The following CLDN10 variants were observed in gnomAD, a reference collection of about 807,000 sequenced individuals.
The protein encoded by CLDN10 is claudin 10.
A neutral mutation model predicts 22.9 loss-of-function variants in CLDN10; 15 were observed. The observed-to-expected ratio is 0.65, with a 90% confidence interval of 0.44 to 1.01. The LOEUF (loss-of-function observed/expected upper bound fraction) is 1.01, where lower values mean the gene tolerates loss of function less well. Among genes scored for constraint, CLDN10 ranks in the 50% least tolerant of loss-of-function variants. The pLI, the probability that CLDN10 is intolerant of heterozygous loss-of-function variation, is 0.00. For missense variants in CLDN10, 247 were observed against 287.8 expected (o/e 0.86, Z 1.03); for synonymous variants, 114 against 111.4 (o/e 1.02, Z -0.15).
At chr13:95,486,706 T>A (rs1351250582) in intron 1 of CLDN10, among the ~76,000 whole-genome samples, 1 of 152,110 alleles carries the variant, frequency 6.6e-6, no homozygotes, top group East Asian at 1.9e-4. Context: ...GGTGCCTTGC[T>A]TTTTATTCCT....
intron 1 of CLDN10, among the ~76,000 whole-genome samples, chr13:95,503,978 T>G (rs1330691571): frequency 6.6e-6 from 1 of 152,232 alleles, no homozygotes; most frequent in Admixed American, 6.5e-5. Context: ...TAATAAATTT[T>G]ATGTTACCTG....
At chr13:95,552,669 C>A (rs2043579701), upstream of CLDN10, 2 of 1,423,820 alleles carry the variant, frequency 1.4e-6, no homozygotes, top group Admixed American at 2.6e-5. Flanking sequence ...GAGGCGGAGG[C>A]GGGAGGCGGA....
chr13:95,443,298 CAAT>C (rs796846182), intron 1 of CLDN10, among the ~76,000 whole-genome samples: 4 of 152,262 alleles, frequency 2.6e-5, no homozygotes, highest in African/African-American at 9.6e-5. Flanking sequence ...ATGTTGTTGA[CAAT>C]GATGATGTCT....
At chr13:95,543,914 G>T (rs2043483674) in intron 1 of CLDN10, among the ~76,000 whole-genome samples, 1 of 151,970 alleles carries the variant, frequency 6.6e-6, no homozygotes, top group African/African-American at 2.4e-5. Context: ...ATATTCATAA[G>T]ATTTTAATTT....
intron 1 of CLDN10, among the ~76,000 whole-genome samples, chr13:95,456,369 C>T (rs141693911): frequency 2.6e-5 from 4 of 152,260 alleles, no homozygotes; most frequent in African/African-American, 7.2e-5. Flanking sequence ...ATCTACTCTC[C>T]TATTCCACCC....
chr13:95,462,655 A>G (rs140616679), intron 1 of CLDN10, among the ~76,000 whole-genome samples: 75 of 152,318 alleles, frequency 4.9e-4, no homozygotes, highest in African/African-American at 1.7e-3. Flanking sequence ...TTAGGCCAGA[A>G]CACACAAACC....
chr13:95,570,277 T>C (rs7995795), intron 3 of CLDN10, among the ~76,000 whole-genome samples: 45,451 of 152,052 alleles, frequency 0.3, 7,189 homozygotes, highest in Non-Finnish European at 0.35. Flanking sequence ...TATGACTCGG[T>C]GCCTCATTTC....
intron 1 of CLDN10, among the ~76,000 whole-genome samples, chr13:95,532,792 C>CAAAAAAAAAAAAAAAAAAAAA (rs57500288): frequency 6.4e-5 from 4 of 62,018 alleles, no homozygotes; most frequent in Admixed American, 2.5e-4. Context: ...CTCAATTCAG[C>CAAAAAAAAAAAAAAAAAAAAA]AAAAAAAAAA....
intron 1 of CLDN10, 136 bp from the exon 2 acceptor site, chr13:95,559,996 C>A: frequency 2.4e-6 from 2 of 830,568 alleles, no homozygotes; most frequent in Non-Finnish European, 1.9e-6. Flanking sequence ...TCCTTTCTTG[C>A]TTGTCTTGCC....
rs1443591335 is a variant in CLDN10 at position 95,577,779 on chromosome 13, A to G, written c.573-121A>G. The G allele has an allele frequency of 6.6e-6, 4 of 609,180 alleles. No individual in the cohort carries two copies. In the East Asian group the frequency reaches 1.1e-4, roughly 17 times the overall value. The allele number at this position is 609,180 out of a possible 1,614,324, so 37.7% of individuals were successfully genotyped here. On this transcript the variant is annotated intron_variant, in intron 4 of 4. Transcript: ENST00000299339. ...TGGGGCAAGAGGAGAGAAGAAAGCT[A>G]TCTAAGAAAGAGGAAGATTTACATT...
At chr13:95,560,568 A>C in intron 3 of CLDN10, 105 bp downstream of exon 3, 1 of 825,942 alleles carries the variant, frequency 1.2e-6, no homozygotes, top group Non-Finnish European at 1.9e-6. Context: ...AAAGTAAGAC[A>C]TACTGATAAA....
At chr13:95,536,500 C>T (rs2043401430) in intron 1 of CLDN10, among the ~76,000 whole-genome samples, 2 of 152,152 alleles carry the variant, frequency 1.3e-5, no homozygotes, top group Non-Finnish European at 2.9e-5. Context: ...CTTAACCATA[C>T]AAAACTTACA....
At chr13:95,536,183 G>A (rs376244642) in intron 1 of CLDN10, among the ~76,000 whole-genome samples, 26 of 148,728 alleles carry the variant, frequency 1.7e-4, no homozygotes, top group Admixed American at 2.0e-4. Flanking sequence ...TCCTAAATTT[G>A]AAAAAAAAAA....
intron 1 of CLDN10, among the ~76,000 whole-genome samples, chr13:95,446,676 T>C (rs1404000907): frequency 6.6e-6 from 1 of 152,154 alleles, no homozygotes; most frequent in African/African-American, 2.4e-5. Context: ...ACTCCACCTC[T>C]ACTAAAAATA....
chr13:95,499,140 C>T (rs1171439426), intron 1 of CLDN10, among the ~76,000 whole-genome samples: 2 of 152,148 alleles, frequency 1.3e-5, no homozygotes, highest in African/African-American at 4.8e-5. Context: ...GCCAGGAATA[C>T]GTTTTAAGAA....
intron 1 of CLDN10, among the ~76,000 whole-genome samples, chr13:95,494,897 A>G (rs1205062487): frequency 3.9e-5 from 6 of 151,974 alleles, no homozygotes; most frequent in Non-Finnish European, 1.5e-5. Flanking sequence ...TCTGCCAGCA[A>G]TCTCACCTTC....
chr13:95,564,502 C>G (rs1436788316), intron 3 of CLDN10, among the ~76,000 whole-genome samples: 1 of 152,204 alleles, frequency 6.6e-6, no homozygotes, highest in African/African-American at 2.4e-5. Flanking sequence ...CAAATACTTG[C>G]TCTCCAATAC....
chr13:95,538,198 C>T (rs892338265), intron 1 of CLDN10, among the ~76,000 whole-genome samples: 1 of 111,178 alleles, frequency 9.0e-6, no homozygotes, highest in Admixed American at 1.4e-4. Flanking sequence ...TGCAATGGCA[C>T]AATCTTGGCT....
intron 1 of CLDN10, among the ~76,000 whole-genome samples, chr13:95,447,722 G>A (rs1594524771): frequency 6.7e-6 from 1 of 149,796 alleles, no homozygotes; most frequent in African/African-American, 2.5e-5. Flanking sequence ...GGGGGAAAAC[G>A]AGAAGGGGGA....
Sources: allele counts gnomAD v4.1 joint callset (sites outside exome capture counted in the v4.1 genomes callset), GRCh38; gene constraint gnomAD v4.1.1; transcripts MANE v1.5; gene names NCBI Gene and HGNC (gene_info 2026-07-23, HGNC 2026-07-21).